The following SLK variants were observed in gnomAD, a reference collection of about 807,000 sequenced individuals.
SLK encodes STE20 like kinase.
A neutral mutation model predicts 147.7 loss-of-function variants in SLK; 67 were observed. The observed-to-expected ratio is 0.45, with a 90% CI of 0.37 to 0.56. SLK has a LOEUF of 0.56. Among genes scored for constraint, SLK ranks in the 20% least tolerant of loss-of-function variants. The pLI is 0.00. For missense variants in SLK, 1,136 were observed against 1,438.8 expected, an observed-to-expected ratio of 0.79 and a Z score of 3.41; for synonymous variants, 441 against 475.0, an observed-to-expected ratio of 0.93 and a Z score of 0.93.
At chr10:104,008,836 TTTTG>T (rs1232449744) in intron 12 of SLK, among the ~76,000 whole-genome samples, 1 of 152,210 alleles carries the variant, frequency 6.6e-6, no homozygotes. Flanking sequence ...CTTTTAACGA[TTTTG>T]TTTGTTGATT....
intron 1 of SLK, among the ~76,000 whole-genome samples, chr10:103,977,053 G>T (rs1843881843): frequency 6.6e-6 from 1 of 152,042 alleles, no homozygotes; most frequent in African/African-American, 2.4e-5. Flanking sequence ...GGCAAAATCA[G>T]CACCACTGGT....
Position 104,018,775 on chromosome 10 carries a change from G to A in SLK, c.3008-9G>A, listed in dbSNP as rs765721044. 1.9e-6 allele frequency: 3 copies of A among 1,598,288 alleles called. No homozygotes were observed. Among genetic ancestry groups the A allele is most frequent in the South Asian group, 2.3e-5 (2 of 87,226 alleles). ...GCAAAGTGACATTTTGAAAACTGCT[G>A]TCTTCTAGCTCGAGAAGCTGCAATT... On this transcript the variant is annotated splice_polypyrimidine_tract_variant and intron_variant, in intron 14 of 18. Transcript: ENST00000369755.
At chr10:103,979,323 T>C (rs938683212) in intron 1 of SLK, among the ~76,000 whole-genome samples, 1 of 152,226 alleles carries the variant, frequency 6.6e-6, no homozygotes, top group Admixed American at 6.5e-5. Context: ...AGCCAAGATA[T>C]TTTATTTTTG....
rs767655848 is a variant in SLK at position 104,003,203 on chromosome 10, C to T, written c.2025C>T (p.Val675=). ...GTGAAGTTCAGGATGCTTCTAAAGTCACTACTCAGATAGATAAAGAGAAAA... is the reference window on the plus strand; with the variant it reads ...GTGAAGTTCAGGATGCTTCTAAAGTTACTACTCAGATAGATAAAGAGAAAA... ...LGSEVQDASK[V]TTQIDKEKKE... is the part of the protein sequence containing the mutation. The change falls in exon 9 of 19, where the codon GTC becomes GTT. Residue 675 remains valine, a synonymous_variant. Transcript: ENST00000369755. 1.2e-6 allele frequency: 2 copies of T among 1,613,530 alleles called. No homozygotes were observed. Among genetic ancestry groups the T allele is most frequent in the Admixed American group, 1.7e-5 (1 of 59,906 alleles).
intron 1 of SLK, among the ~76,000 whole-genome samples, chr10:103,974,271 T>C (rs1009370925): frequency 1.3e-5 from 2 of 152,070 alleles, no homozygotes; most frequent in African/African-American, 2.4e-5. Context: ...ACCATCTTAC[T>C]TGACCTGTCA....
rs1304459416 is a variant in SLK, at chr10:104,008,341, G to A, written c.2769G>A (p.Lys923=). The change falls in exon 12 of 19, where the codon AAG becomes AAA. Residue 923 remains lysine (K), a synonymous_variant. Transcript: ENST00000369755. ...KELSKFQNML[K]NRKKEVINEV... is the part of the protein sequence containing the mutation. ...TGTCCAAATTTCAGAATATGCTGAA[G>A]AACCGAAAGAAGGAGGTAAGTGTAA... 1 of 1,607,772 alleles carries A rather than the reference G, an allele frequency of 6.2e-7. No homozygotes were observed. Among genetic ancestry groups the A allele is most frequent in the Non-Finnish European group, 8.5e-7 (1 of 1,177,610 alleles).
chr10:104,001,803 C>T (rs575853474), intron 8 of SLK, among the ~76,000 whole-genome samples: 17 of 152,256 alleles, frequency 1.1e-4, no homozygotes, highest in African/African-American at 3.8e-4. Flanking sequence ...ACAACCTCTG[C>T]CTCCCGGTGT....
intron 1 of SLK, among the ~76,000 whole-genome samples, chr10:103,970,324 A>G (rs541827446): frequency 6.6e-6 from 1 of 152,308 alleles, no homozygotes; most frequent in Admixed American, 6.5e-5. Context: ...CTTTCATGAC[A>G]CTTTCTGCAA....
chr10:103,975,614 T>C (rs1468579276), intron 1 of SLK, among the ~76,000 whole-genome samples: 1 of 152,200 alleles, frequency 6.6e-6, no homozygotes, highest in Non-Finnish European at 1.5e-5. Flanking sequence ...TTTAATATAT[T>C]CCTTTGTGTT....
At chr10:103,997,387 G>C (rs567357252) in intron 4 of SLK, among the ~76,000 whole-genome samples, 7 of 152,230 alleles carry the variant, frequency 4.6e-5, no homozygotes, top group African/African-American at 1.7e-4. Context: ...ATGAATGTTG[G>C]TGTACAAATG....
At chr10:104,001,172 T>A (rs1276767985) in intron 7 of SLK, among the ~76,000 whole-genome samples, 1 of 152,072 alleles carries the variant, frequency 6.6e-6, no homozygotes, top group African/African-American at 2.4e-5. Flanking sequence ...AAAGTACATG[T>A]ACCTACTACC....
chr10:103,980,259 C>T (rs1339857850), intron 1 of SLK, among the ~76,000 whole-genome samples: 1 of 152,096 alleles, frequency 6.6e-6, no homozygotes. Context: ...TTTGAAATTA[C>T]AAAATTTGTG....
At chr10:103,983,578 G>T (rs1843973782) in intron 1 of SLK, among the ~76,000 whole-genome samples, 1 of 152,122 alleles carries the variant, frequency 6.6e-6, no homozygotes, top group Non-Finnish European at 1.5e-5. Flanking sequence ...GAGGCTGCAA[G>T]GAGAAGGAGG....
chr10:103,981,536 T>G (rs1173517281), intron 1 of SLK, among the ~76,000 whole-genome samples: 3 of 152,140 alleles, frequency 2.0e-5, no homozygotes, highest in Non-Finnish European at 2.9e-5. Context: ...TGGTGTTAGG[T>G]AAGGGTCCAA....
At chr10:103,975,922 A>G (rs1441599048) in intron 1 of SLK, among the ~76,000 whole-genome samples, 1 of 151,818 alleles carries the variant, frequency 6.6e-6, no homozygotes, top group Non-Finnish European at 1.5e-5. Context: ...TTGTTTTATT[A>G]TTATTATTTT....
In SLK at chr10:103,998,761, C is replaced by T. The variant is rs1301073328; in HGVS notation, c.515-138C>T. ...ATGGTCAAGATTAAGATGGGAGAGA[C>T]ATCTTTTTCTTTCTGTTTAACTTAC... On this transcript the variant is annotated intron_variant, in intron 4 of 18. Transcript: ENST00000369755. The T allele has an allele frequency of 7.0e-6, 4 of 573,230 alleles. No homozygotes were observed. The African/African-American group carries it at 7.8e-5, about 11-fold the overall frequency. The allele number at this position is 573,230 out of a possible 1,614,324, so 35.5% of individuals were successfully genotyped here.
chr10:103,970,399 T>A (rs1168176788), intron 1 of SLK, among the ~76,000 whole-genome samples: 1 of 152,204 alleles, frequency 6.6e-6, no homozygotes, highest in Non-Finnish European at 1.5e-5. Context: ...AGAGTCTTAT[T>A]TCATGTAGTT....
chr10:104,017,965 C>G (rs567274268), intron 13 of SLK, among the ~76,000 whole-genome samples, 195 bp from the exon 14 acceptor site: 1 of 149,176 alleles, frequency 6.7e-6, no homozygotes, highest in Non-Finnish European at 1.5e-5. Flanking sequence ...ATTATGTATT[C>G]TAATGCTTTT....
Position 104,027,529 on chromosome 10 carries a change from C to T in SLK, c.*1809C>T, listed in dbSNP as rs1371288094. ...ATATATATCTTTATAAAGTAATATT[C>T]AGGATGATGATAAAAATTGTTTATA... On this transcript the variant is annotated 3_prime_UTR_variant, in exon 19 of 19. Coordinates refer to ENST00000369755, the MANE Select transcript of SLK (RefSeq NM_014720.4). 1 of 152,290 alleles carries T rather than the reference C, an allele frequency of 6.6e-6. No individual in the cohort carries two copies. The highest frequency in any genetic ancestry group is 1.9e-4 in the East Asian group (1 of 5,192). The allele number at this position is 152,290 out of a possible 1,614,324, so 9.4% of individuals were successfully genotyped here. A position where few individuals can be genotyped will look rare whatever the true frequency, so the allele number is the denominator to read the frequency against.
Sources: gnomAD v4.1 joint callset for allele counts (sites outside exome capture counted in the v4.1 genomes callset) on GRCh38, gnomAD v4.1.1 for gene constraint, MANE v1.5 for transcripts, NCBI Gene and HGNC (gene_info 2026-07-23, HGNC 2026-07-21) for gene names.